Variants in NRG2 observed in about 807,000 individuals in gnomAD.
The protein encoded by NRG2 is neuregulin 2.
A neutral mutation model predicts 73.9 loss-of-function variants in NRG2; 27 were observed. The observed-to-expected ratio is 0.37, with a 90% CI of 0.27 to 0.50. The LOEUF is 0.50. Ranked by LOEUF, NRG2 falls within the 20% of genes least tolerant of loss-of-function variation. The pLI is 0.96. For missense variants in NRG2, 1,126 were observed against 1,210.1 expected, an observed-to-expected ratio of 0.93 and a Z score of 1.03; for synonymous variants, 532 against 541.0, an observed-to-expected ratio of 0.98 and a Z score of 0.23.
chr5:139,854,555 CCA>C (rs1160977164), intron 6 of NRG2, among the ~76,000 whole-genome samples: 1 of 152,178 alleles, frequency 6.6e-6, no homozygotes, highest in Non-Finnish European at 1.5e-5. Flanking sequence ...CCTCTTGGGC[CCA>C]GTCTCCTCTG....
chr5:139,917,584 A>C (rs992727371), intron 1 of NRG2, among the ~76,000 whole-genome samples: 3 of 152,152 alleles, frequency 2.0e-5, no homozygotes, highest in African/African-American at 7.2e-5. Flanking sequence ...TTCCCTGATA[A>C]CTAATGATGT....
chr5:140,016,573 T>G (rs1022689728), intron 1 of NRG2, among the ~76,000 whole-genome samples: 1 of 152,216 alleles, frequency 6.6e-6, no homozygotes, highest in African/African-American at 2.4e-5. Flanking sequence ...GTCTCTGCCC[T>G]CAGGAGCTTA....
chr5:139,857,425 C>T (rs981430684), intron 5 of NRG2, among the ~76,000 whole-genome samples: 31 of 152,288 alleles, frequency 2.0e-4, no homozygotes, highest in African/African-American at 7.5e-4. Context: ...TCTGTCCCAT[C>T]AGACATGGAT....
chr5:139,931,875 C>G (rs1443576741), intron 1 of NRG2, among the ~76,000 whole-genome samples: 1 of 152,108 alleles, frequency 6.6e-6, no homozygotes, highest in Non-Finnish European at 1.5e-5. Context: ...CAAATTAAAA[C>G]CACAACGAGC....
intron 1 of NRG2, among the ~76,000 whole-genome samples, chr5:140,032,022 C>T (rs1761195451): frequency 6.6e-6 from 1 of 152,068 alleles, no homozygotes; most frequent in South Asian, 2.1e-4. Context: ...AAACAAAAAC[C>T]AGTGATCAAA....
chr5:139,969,552 T>G (rs1276846956), intron 1 of NRG2, among the ~76,000 whole-genome samples: 1 of 152,226 alleles, frequency 6.6e-6, no homozygotes, highest in African/African-American at 2.4e-5. Context: ...GGACAGTTTT[T>G]GTACAGGGAT....
At chr5:139,953,760 G>A (rs1204702887) in intron 1 of NRG2, among the ~76,000 whole-genome samples, 1 of 152,192 alleles carries the variant, frequency 6.6e-6, no homozygotes, top group Non-Finnish European at 1.5e-5. Context: ...TGCTGAGAGG[G>A]AGAAGGAAAG....
At chr5:140,028,052 A>G (rs1760841549) in intron 1 of NRG2, among the ~76,000 whole-genome samples, 1 of 152,230 alleles carries the variant, frequency 6.6e-6, no homozygotes, top group African/African-American at 2.4e-5. Flanking sequence ...TCTAAATGGA[A>G]TCATCTACTG....
chr5:139,887,566 C>A lies in NRG2; in HGVS notation c.701-55G>T. 6.5e-7 allele frequency: 1 copy of A among 1,547,814 alleles called. No homozygotes were observed. The highest frequency in any genetic ancestry group is 2.3e-5 in the East Asian group (1 of 43,792). ...CGGTGGTGGTAGGGGCAGTGCCAAG[C>A]ATGAGTAGTGGAGAGTAAGGGCCAC... On this transcript the variant is annotated intron_variant, in intron 1 of 9. Transcript: ENST00000361474. The surrounding 1 kb of genome is among the most constrained non-coding windows in gnomAD (Gnocchi z 4.5).
rs1288399527 is a variant in NRG2, at chr5:140,042,395, C to T, written c.675G>A (p.Val225=). 1.9e-6 allele frequency: 3 copies of T among 1,591,564 alleles called. No homozygotes were observed. Among genetic ancestry groups the T allele is most frequent in the African/African-American group, 1.3e-5 (1 of 74,328 alleles). The part of the protein sequence containing the change: ...DTNGKNLKKE[V]GKILCTDCAT... ...CGCAGTCAGTGCACAGGATCTTGCC[C>T]ACCTCTTTCTTGAGATTTTTGCCGT... The change falls in exon 1 of 10, where the codon GTG becomes GTA. Residue 225 remains valine (V), a synonymous_variant. Transcript: ENST00000361474.
chr5:139,918,611 T>A (rs1055945073), intron 1 of NRG2, among the ~76,000 whole-genome samples: 2 of 152,066 alleles, frequency 1.3e-5, no homozygotes, highest in Non-Finnish European at 2.9e-5. Flanking sequence ...TTAACATCAG[T>A]CACTAGAACA....
chr5:139,934,880 C>A (rs977746291), intron 1 of NRG2, among the ~76,000 whole-genome samples: 1 of 152,116 alleles, frequency 6.6e-6, no homozygotes, highest in South Asian at 2.1e-4. Flanking sequence ...AAATAACAAT[C>A]CTGGCCGGGC....
At chr5:139,961,789 G>A (rs1273847414) in intron 1 of NRG2, among the ~76,000 whole-genome samples, 1 of 152,204 alleles carries the variant, frequency 6.6e-6, no homozygotes, top group Non-Finnish European at 1.5e-5. Context: ...GCCATCCTCA[G>A]GCTCCTAAAG....
Position 139,854,806 on chromosome 5 carries a change from C to T in NRG2, c.1292+870G>A, listed in dbSNP as rs568841045. Among the ~76,000 whole-genome samples the T allele has an allele frequency of 6.6e-5, 10 of 151,616 alleles. 3 individuals carry two copies. Among genetic ancestry groups the T allele is most frequent in the African/African-American group, 2.2e-4 (9 of 41,422 alleles). On this transcript the variant is annotated intron_variant, in intron 6 of 9. Coordinates refer to ENST00000361474, the MANE Select transcript of NRG2 (RefSeq NM_004883.3). Reference sequence around the variant, plus strand: ...CAGAAGGTCATAGGGCCTTGGATGCCGAGCTAGGGAGCCTGGGTTTATCCA... The same window carrying T: ...CAGAAGGTCATAGGGCCTTGGATGCTGAGCTAGGGAGCCTGGGTTTATCCA...
At chr5:139,968,656 G>A (rs1755746027) in intron 1 of NRG2, among the ~76,000 whole-genome samples, 1 of 152,210 alleles carries the variant, frequency 6.6e-6, no homozygotes, top group African/African-American at 2.4e-5. Context: ...TCTCCGTTCG[G>A]CGGCCTTTCA....
chr5:140,026,589 G>A (rs926429498), intron 1 of NRG2, among the ~76,000 whole-genome samples: 3 of 151,906 alleles, frequency 2.0e-5, no homozygotes, highest in Non-Finnish European at 4.4e-5. Context: ...TCCAGCCTAG[G>A]CAACACAGTA....
At chr5:139,888,369 A>T (rs554513112) in intron 1 of NRG2, among the ~76,000 whole-genome samples, 1 of 152,310 alleles carries the variant, frequency 6.6e-6, no homozygotes, top group South Asian at 2.1e-4. Context: ...CCAGGCAGCC[A>T]CAGAGCTGGG....
At chr5:139,912,331 C>T (rs1377703398) in intron 1 of NRG2, among the ~76,000 whole-genome samples, 1 of 152,144 alleles carries the variant, frequency 6.6e-6, no homozygotes, top group Non-Finnish European at 1.5e-5. Flanking sequence ...TTCTCTCTCT[C>T]AGCTCTGCCC....
chr5:139,855,893 C>G, intron 5 of NRG2, 115 bp from the exon 6 acceptor site: 1 of 745,084 alleles, frequency 1.3e-6, no homozygotes, highest in Non-Finnish European at 2.3e-6. Context: ...CAGGTCCTGC[C>G]CAGCTCCTTT....
Sources: allele counts gnomAD v4.1 joint callset (sites outside exome capture counted in the v4.1 genomes callset), GRCh38; gene constraint gnomAD v4.1.1; non-coding constraint Gnocchi (gnomAD v3.1); transcripts MANE v1.5; gene names NCBI Gene and HGNC (gene_info 2026-07-23, HGNC 2026-07-21).